The following PRKCH variants were observed in gnomAD, a reference collection of about 807,000 sequenced individuals.
PRKCH encodes the protein protein kinase C eta.
In PRKCH, 28 loss-of-function variants were observed where a neutral mutation model predicts 82.5. The ratio of observed to expected loss-of-function variants is 0.34; its 90% CI spans 0.25 to 0.47. The LOEUF (loss-of-function observed/expected upper bound fraction) is 0.47. Ranked by LOEUF, PRKCH falls within the 20% of genes least tolerant of loss-of-function variation. The pLI, the probability that PRKCH is intolerant of heterozygous loss-of-function variation, is 1.00. For missense variants in PRKCH, 705 were observed against 881.8 expected (o/e 0.80, Z 2.54); for synonymous variants, 322 against 327.4 (o/e 0.98, Z 0.18).
Position 61,322,480 on chromosome 14 carries a change from C to T in PRKCH, c.363+16C>T, listed in dbSNP as rs761693891. ...CGAGGGTTGGGTGAGTAGCGGTGACCCCTTCCCTTTGTGTCCACCCAACCC... is the reference window on the plus strand; with the variant it reads ...CGAGGGTTGGGTGAGTAGCGGTGACTCCTTCCCTTTGTGTCCACCCAACCC... On this transcript the variant is annotated intron_variant, in intron 1 of 13. Coordinates refer to ENST00000332981, the MANE Select transcript of PRKCH (RefSeq NM_006255.5). 6.3e-7 allele frequency: 1 copy of T among 1,582,264 alleles called. No homozygotes were observed. The highest frequency in any genetic ancestry group is 1.7e-5 in the Admixed American group (1 of 58,736).
At position 61,395,884 on chromosome 14, in the gene PRKCH, G is replaced by A. The variant is rs138039258; in HGVS notation, c.427+4596G>A. ...TGCTTGAGCTCAGGAGTTTGAGACCGGCCTGGGCAACATGGTGAAACACCA... is the reference window on the plus strand; with the variant it reads ...TGCTTGAGCTCAGGAGTTTGAGACCAGCCTGGGCAACATGGTGAAACACCA... On this transcript the variant is annotated intron_variant, in intron 2 of 13. Transcript: ENST00000332981. Among the ~76,000 whole-genome samples the A allele has an allele frequency of 1.4e-4, 22 of 151,968 alleles. No individual in the cohort carries two copies. The East Asian group carries it at 2.1e-3, about 15-fold the overall frequency.
At chr14:61,407,727 T>C (rs1444365034) in intron 2 of PRKCH, among the ~76,000 whole-genome samples, 1 of 152,202 alleles carries the variant, frequency 6.6e-6, no homozygotes, top group Non-Finnish European at 1.5e-5. Flanking sequence ...AAGGTCACAC[T>C]TAGGTACAGC....
In PRKCH at chr14:61,460,090, A is replaced by G. The variant is rs187913275; in HGVS notation, c.1278+2411A>G. Reference sequence around the variant, plus strand: ...TCAAACTCCTGGGCTAAAGCAATCCACCCACCTCAGTCACTCAAAGTTCTG... The same window carrying G: ...TCAAACTCCTGGGCTAAAGCAATCCGCCCACCTCAGTCACTCAAAGTTCTG... On this transcript the variant is annotated intron_variant, in intron 9 of 13. Transcript: ENST00000332981. 3.6e-3 allele frequency among the ~76,000 whole-genome samples: 545 copies of G among 152,102 alleles called. 2 individuals are homozygous for G. Among genetic ancestry groups the G allele is most frequent in the Non-Finnish European group, 5.4e-3 (369 of 67,988 alleles).
At chr14:61,299,333 G>A (rs1353804596) in intron 1 of PRKCH, among the ~76,000 whole-genome samples, 1 of 152,014 alleles carries the variant, frequency 6.6e-6, no homozygotes, top group Non-Finnish European at 1.5e-5. Context: ...GCTCACCTGA[G>A]GCGTTCTTAC....
Position 61,322,387 on chromosome 14 carries a change from C to A in PRKCH, c.286C>A (p.His96Asn). ...CCACGAGACGCCCCTGGGCTACGAC[C>A]ACTTCGTGGCCAACTGCACCCTGCA... ...VFHETPLGYDHFVANCTLQFQ... is the reference protein window; with the variant it reads ...VFHETPLGYDNFVANCTLQFQ... The change falls in exon 1 of 14, where the codon CAC becomes AAC. Residue 96 changes from histidine to asparagine, a missense_variant. His to Asn is a moderately conservative substitution (Grantham distance 68, BLOSUM62 1). Coordinates refer to ENST00000332981, the MANE Select transcript of PRKCH (RefSeq NM_006255.5). 6.2e-7 allele frequency: 1 copy of A among 1,612,858 alleles called. No homozygotes were observed. Among genetic ancestry groups the A allele is most frequent in the Non-Finnish European group, 8.5e-7 (1 of 1,179,492 alleles).
intron 1 of PRKCH, among the ~76,000 whole-genome samples, chr14:61,342,685 G>A (rs2045943566): frequency 6.6e-6 from 1 of 152,204 alleles, no homozygotes; most frequent in African/African-American, 2.4e-5. Context: ...CCACAGGGCG[G>A]AGGTGTTTCA....
chr14:61,329,234 C>CTTTTTTTCTTTTTTTTTTTT (rs1476293025), intron 1 of PRKCH, among the ~76,000 whole-genome samples: 1 of 63,462 alleles, frequency 1.6e-5, no homozygotes, highest in Non-Finnish European at 2.7e-5. Flanking sequence ...ACTCCTGAGT[C>CTTTTTTTCTTTTTTTTTTTT]TTTTTTTTTT....
rs993556136 is a variant in PRKCH, at chr14:61,365,197, A to T, written c.364-26028A>T. 2.0e-5 allele frequency among the ~76,000 whole-genome samples: 3 copies of T among 152,088 alleles called. No homozygotes were observed. The East Asian group carries it at 5.8e-4, about 29-fold the overall frequency. On this transcript the variant is annotated intron_variant, in intron 1 of 13. Coordinates refer to ENST00000332981, the MANE Select transcript of PRKCH (RefSeq NM_006255.5). ...ATTTTGGTGTTTGAGAACACAGTAG[A>T]TAGGTGTGTGTCCTAAATGTTTTGA... is the stretch of plus-strand genomic sequence containing the variant.
intron 1 of PRKCH, among the ~76,000 whole-genome samples, chr14:61,199,015 G>C (rs17098115): frequency 6.6e-6 from 1 of 152,000 alleles, no homozygotes; most frequent in Non-Finnish European, 1.5e-5. Context: ...TTCCCACCAA[G>C]CTTACACACA....
intron 4 of PRKCH, among the ~76,000 whole-genome samples, chr14:61,446,907 T>C (rs1884251856): frequency 6.6e-6 from 1 of 152,248 alleles, no homozygotes. Flanking sequence ...TTTATTTCTT[T>C]TTCTCTTTGT....
Position 61,322,106 on chromosome 14 carries a change from C to G in PRKCH, c.5C>G (p.Ser2Trp). 2 of 1,554,164 alleles carry G rather than the reference C, an allele frequency of 1.3e-6. No individual in the cohort carries two copies. The highest frequency in any genetic ancestry group is 1.2e-5 in the South Asian group (1 of 85,398). M[S>W]SGTMKFNGYL... ...GGCCGGGGCAGCGGCGCCGGCATGT[C>G]GTCTGGCACCATGAAGTTCAATGGC... Residue 2 changes from serine (S) to tryptophan (W), a missense_variant, in exon 1 of 14, where the codon TCG (serine) becomes TGG (tryptophan). Coordinates refer to ENST00000332981, the MANE Select transcript of PRKCH (RefSeq NM_006255.5).
rs1054765305 is a variant in PRKCH at position 61,280,879 on chromosome 14, G to A, written c.-19+93211G>A. Reference sequence around the variant, plus strand: ...GAAGTACCAGGCGCACGAGCAGGGGGGCGGCAGCGCCCGGCCCTGGCCAGC... The same window carrying A: ...GAAGTACCAGGCGCACGAGCAGGGGAGCGGCAGCGCCCGGCCCTGGCCAGC... On this transcript the variant is annotated intron_variant, in intron 1 of 3. Transcript: ENST00000555185. The surrounding 1 kb of genome is among the most constrained non-coding windows in gnomAD (Gnocchi z 5.0). 8 of 1,561,680 alleles carry A rather than the reference G, an allele frequency of 5.1e-6. No homozygotes were observed. The highest frequency in any genetic ancestry group is 1.7e-4 in the Middle Eastern group (1 of 5,914).
chr14:61,274,695 T>G (rs1198536426), intron 1 of PRKCH, among the ~76,000 whole-genome samples: 1 of 152,182 alleles, frequency 6.6e-6, no homozygotes, highest in Non-Finnish European at 1.5e-5. Flanking sequence ...ATGCTATTCT[T>G]GGAAGGATGG....
chr14:61,374,741 G>T (rs190897105), intron 1 of PRKCH, among the ~76,000 whole-genome samples: 67 of 152,088 alleles, frequency 4.4e-4, no homozygotes, highest in Non-Finnish European at 7.9e-4. Flanking sequence ...AGGGCCCTAG[G>T]CTTGGCCCCC....
intron 1 of PRKCH, among the ~76,000 whole-genome samples, chr14:61,253,984 TCCCTC>T (rs1400043290): frequency 2.7e-5 from 1 of 36,640 alleles, no homozygotes; most frequent in East Asian, 8.0e-4. Flanking sequence ...CCCTCCTCCC[TCCCTC>T]CCTCCCTCCC....
intron 1 of PRKCH, among the ~76,000 whole-genome samples, chr14:61,365,797 A>T (rs1351715808): frequency 6.6e-6 from 1 of 152,128 alleles, no homozygotes; most frequent in Non-Finnish European, 1.5e-5. Flanking sequence ...GAAACAAGAC[A>T]TAAACACAGG....
At chr14:61,387,149 TC>T (rs1165632970) in intron 1 of PRKCH, among the ~76,000 whole-genome samples, 13 of 152,230 alleles carry the variant, frequency 8.5e-5, no homozygotes, top group African/African-American at 2.9e-4. Context: ...TCCTTGTAGA[TC>T]CAGGATTCCT....
At chr14:61,295,223 G>T (rs754307650) in intron 1 of PRKCH, among the ~76,000 whole-genome samples, 1 of 152,000 alleles carries the variant, frequency 6.6e-6, no homozygotes, top group Non-Finnish European at 1.5e-5. Context: ...TATAAACAGA[G>T]AACATGAAAA....
At chr14:61,530,754 G>A (rs2043035605) in intron 12 of PRKCH, among the ~76,000 whole-genome samples, 159 bp downstream of exon 12, 1 of 152,296 alleles carries the variant, frequency 6.6e-6, no homozygotes, top group Non-Finnish European at 1.5e-5. Context: ...AGTTCTGTCA[G>A]GCTGTTACCC....
Sources: allele counts gnomAD v4.1 joint callset (sites outside exome capture counted in the v4.1 genomes callset), GRCh38; gene constraint gnomAD v4.1.1; non-coding constraint Gnocchi (gnomAD v3.1); transcripts MANE v1.5; gene names NCBI Gene and HGNC (gene_info 2026-07-23, HGNC 2026-07-21).